ALMS1: variants seen among roughly 807,000 people sequenced by gnomAD.
ALMS1 encodes centrosome-associated protein ALMS1.
In ALMS1, 271 loss-of-function variants were observed where a neutral mutation model predicts 352.2. The observed-to-expected ratio is 0.77, with a 90% CI of 0.70 to 0.85. The LOEUF (loss-of-function observed/expected upper bound fraction) is 0.85. ALMS1 is among the 40% of genes least tolerant of loss of function. The pLI is 0.00. For missense variants in ALMS1, 5,445 were observed against 4,870.7 expected, an observed-to-expected ratio of 1.12 and a Z score of -3.51; for synonymous variants, 1,865 against 1,761.2, an observed-to-expected ratio of 1.06 and a Z score of -1.48.
At chr2:73,528,488 G>A (rs1673840495) in intron 11 of ALMS1, among the ~76,000 whole-genome samples, 1 of 152,114 alleles carries the variant, frequency 6.6e-6, no homozygotes, top group Non-Finnish European at 1.5e-5. Flanking sequence ...ACCTTTGTCT[G>A]TTTTTATAAT....
chr2:73,550,363 G>A lies in ALMS1; in HGVS notation c.10004G>A (p.Gly3335Glu), dbSNP rs1344858585. The part of the protein sequence containing the change: ...SATVNIKHKE[G>E]IYSKRVVTKA... ...ACTGTTAACATTAAACATAAAGAAG[G>A]AATCTACAGTAAGAGGGTAGTGACT... The change falls in exon 13 of 23, where the codon GGA becomes GAA. Residue 3335 changes from glycine to glutamate, a missense_variant. Gly to Glu is a moderately conservative substitution (Grantham distance 98). Transcript: ENST00000613296. 11 of 1,614,064 alleles carry A rather than the reference G, an allele frequency of 6.8e-6. No homozygotes were observed. Among genetic ancestry groups the A allele is most frequent in the East Asian group, 2.2e-5 (1 of 44,894 alleles).
intron 15 of ALMS1, among the ~76,000 whole-genome samples, chr2:73,563,728 A>T (rs1674714957): frequency 9.0e-6 from 1 of 111,362 alleles, no homozygotes; most frequent in Non-Finnish European, 1.7e-5. Flanking sequence ...ATCTCAAAAA[A>T]AAAAAAAAAA....
At chr2:73,599,003 T>C (rs895288154) in intron 16 of ALMS1, among the ~76,000 whole-genome samples, 1 of 152,190 alleles carries the variant, frequency 6.6e-6, no homozygotes, top group Non-Finnish European at 1.5e-5. Flanking sequence ...AGCTCTTAAT[T>C]GGAGAGCGCT....
At chr2:73,566,571 A>G (rs1483461486) in intron 15 of ALMS1, among the ~76,000 whole-genome samples, 1 of 152,212 alleles carries the variant, frequency 6.6e-6, no homozygotes, top group East Asian at 1.9e-4. Context: ...ACCATGGTTG[A>G]CTATGGGTAA....
chr2:73,541,071 T>A (rs75665873), intron 12 of ALMS1, among the ~76,000 whole-genome samples: 4,995 of 152,208 alleles, frequency 0.033, 276 homozygotes, highest in African/African-American at 0.11. Flanking sequence ...GAATATACAG[T>A]CTTCTCAGTA....
At chr2:73,434,032 A>T (rs1671562331) in intron 7 of ALMS1, among the ~76,000 whole-genome samples, 1 of 150,416 alleles carries the variant, frequency 6.6e-6, no homozygotes, top group South Asian at 2.1e-4. Context: ...AAATTTTGTC[A>T]ATTTTGCTGA....
chr2:73,504,386 T>C (rs897779511), intron 10 of ALMS1, among the ~76,000 whole-genome samples: 1 of 152,234 alleles, frequency 6.6e-6, no homozygotes, highest in African/African-American at 2.4e-5. Flanking sequence ...AATTCCCTTG[T>C]GCCTTCCCTT....
chr2:73,560,320 G>T (rs1447578404), intron 15 of ALMS1, among the ~76,000 whole-genome samples: 1 of 152,142 alleles, frequency 6.6e-6, no homozygotes, highest in Non-Finnish European at 1.5e-5. Flanking sequence ...AATCATAAGA[G>T]AGATGCAAAT....
At position 73,433,692 on chromosome 2, in the gene ALMS1, A is replaced by G. The variant is rs1572920564; in HGVS notation, c.1432+1401A>G. Among the ~76,000 whole-genome samples the G allele has an allele frequency of 3.9e-5, 6 of 152,156 alleles. No individual in the cohort carries two copies. The South Asian group carries it at 1.2e-3, about 32-fold the overall frequency. ...GGAGGATCACTTGGAAGAGTCTGGA[A>G]AGGATTGGTATTAATTGTTTTTGAA... On this transcript the variant is annotated intron_variant, in intron 7 of 22. Transcript: ENST00000613296.
chr2:73,533,819 T>C (rs975468788), intron 11 of ALMS1, among the ~76,000 whole-genome samples: 2 of 152,212 alleles, frequency 1.3e-5, no homozygotes, highest in African/African-American at 4.8e-5. Context: ...ACACGTGCTG[T>C]TGGAGGAAGA....
At chr2:73,500,500 T>G (rs1342114800) in intron 10 of ALMS1, among the ~76,000 whole-genome samples, 3 of 152,132 alleles carry the variant, frequency 2.0e-5, no homozygotes, top group Non-Finnish European at 4.4e-5. Flanking sequence ...TTTCCCTTCT[T>G]CAGAACTTTA....
intron 16 of ALMS1, among the ~76,000 whole-genome samples, chr2:73,582,881 G>C (rs1225755670): frequency 6.6e-6 from 1 of 152,062 alleles, no homozygotes; most frequent in African/African-American, 2.4e-5. Flanking sequence ...AATTCTTTGG[G>C]ATACATACCC....
Position 73,601,525 on chromosome 2 carries a change from G to A in ALMS1, c.12114+89G>A, listed in dbSNP as rs1573054601. 26 of 1,552,508 alleles carry A rather than the reference G, an allele frequency of 1.7e-5. No individual in the cohort carries two copies. The East Asian group carries it at 5.1e-4, about 30-fold the overall frequency. On this transcript the variant is annotated intron_variant, in intron 19 of 22. Transcript: ENST00000613296. Reference sequence around the variant, plus strand: ...AGCTGGCTCTGTGACTTGGTGAGCTGAGGTGTAGGCCTGAGACGCTCTTTT... The same window carrying A: ...AGCTGGCTCTGTGACTTGGTGAGCTAAGGTGTAGGCCTGAGACGCTCTTTT...
intron 11 of ALMS1, among the ~76,000 whole-genome samples, chr2:73,532,006 CA>C (rs1160342040): frequency 6.6e-6 from 1 of 152,232 alleles, no homozygotes; most frequent in Non-Finnish European, 1.5e-5. Context: ...TACTCAGAGC[CA>C]AACCATATCA....
At position 73,609,829 on chromosome 2, in the gene ALMS1, T is replaced by C. The variant is rs1454681028; in HGVS notation, c.*217T>C. On this transcript the variant is annotated 3_prime_UTR_variant, in exon 23 of 23. Transcript: ENST00000613296. ...CATAGTGGCCTTGTCCAATGGCCTG[T>C]GTGTTACAATGATATGATCATTTCT... is the stretch of plus-strand genomic sequence containing the variant. The C allele has an allele frequency of 7.2e-6, 4 of 556,580 alleles. No homozygotes were observed. Among genetic ancestry groups the C allele is most frequent in the African/African-American group, 1.9e-5 (1 of 52,824 alleles). 34.5% of individuals were successfully genotyped at this position (556,580 alleles called of 1,614,324 possible).
chr2:73,579,067 TTTTATTTA>T lies in ALMS1; in HGVS notation c.11547+5647_11547+5654del, dbSNP rs1230490409. 2.9e-3 allele frequency among the ~76,000 whole-genome samples: 399 copies of T among 137,818 alleles called. 47 individuals are homozygous for T. Among genetic ancestry groups the T allele is most frequent in the African/African-American group, 0.011 (376 of 33,178 alleles). 90.4% of individuals were successfully genotyped at this position (137,818 alleles called of 152,430 possible). ...GTCTTTAATTTCTCCTTTATTCTTT[TTTTATTTA>T]TTTTTTTTTTTGAGACGGAGTCGTC... On this transcript the variant is annotated intron_variant, in intron 16 of 22. Coordinates refer to ENST00000613296, the MANE Select transcript of ALMS1 (RefSeq NM_001378454.1).
At chr2:73,509,279 G>C (rs1230475475) in intron 10 of ALMS1, among the ~76,000 whole-genome samples, 1 of 152,130 alleles carries the variant, frequency 6.6e-6, no homozygotes, top group Non-Finnish European at 1.5e-5. Context: ...GTGTGAATTT[G>C]ATCCTGTCAT....
At chr2:73,436,662 C>T (rs1247667854) in intron 7 of ALMS1, among the ~76,000 whole-genome samples, 1 of 152,162 alleles carries the variant, frequency 6.6e-6, no homozygotes, top group East Asian at 1.9e-4. Flanking sequence ...TCCATATCTA[C>T]TGTTGAGCCT....
intron 9 of ALMS1, among the ~76,000 whole-genome samples, chr2:73,455,531 G>T (rs577314532): frequency 1.3e-5 from 2 of 152,128 alleles, no homozygotes; most frequent in African/African-American, 4.8e-5. Context: ...AGCCTCTCAG[G>T]TAGCTGGGAC....
Sources: allele counts gnomAD v4.1 joint callset (sites outside exome capture counted in the v4.1 genomes callset), GRCh38; gene constraint gnomAD v4.1.1; transcripts MANE v1.5; gene names NCBI Gene and HGNC (gene_info 2026-07-23, HGNC 2026-07-21).